ZNF79: variants seen among roughly 807,000 people sequenced by gnomAD.
The protein encoded by ZNF79 is ZNFpT7.
In ZNF79, 13 loss-of-function variants were observed where a neutral mutation model predicts 14.9. That is an observed-to-expected ratio of 0.87 (90% confidence interval 0.57 to 1.38). The LOEUF (loss-of-function observed/expected upper bound fraction) is 1.38, where lower values mean the gene tolerates loss of function less well. ZNF79 is among the 40% of genes most tolerant of loss of function. The probability of loss-of-function intolerance (pLI) is 0.00; values close to 1 mark genes in which losing one functional copy is unlikely to be tolerated. For synonymous variants in ZNF79, 223 were observed against 235.1 expected (o/e 0.95, Z 0.47); for missense variants, 631 against 630.6 (o/e 1.00, Z -0.01).
At chr9:127,433,516 TTC>T (rs1165844956) in intron 2 of ZNF79, among the ~76,000 whole-genome samples, 1 of 152,198 alleles carries the variant, frequency 6.6e-6, no homozygotes, top group Non-Finnish European at 1.5e-5. Flanking sequence ...TTTCTTCCCT[TTC>T]CATCTGGCTA....
At chr9:127,434,555 T>C (rs534280392) in intron 2 of ZNF79, among the ~76,000 whole-genome samples, 37 of 152,334 alleles carry the variant, frequency 2.4e-4, no homozygotes, top group Admixed American at 1.9e-3. Flanking sequence ...AGTCTATTTA[T>C]ACATAAATGT....
At chr9:127,440,076 A>G (rs1184028373) in intron 4 of ZNF79, among the ~76,000 whole-genome samples, 1 of 152,122 alleles carries the variant, frequency 6.6e-6, no homozygotes, top group Non-Finnish European at 1.5e-5. Flanking sequence ...GTTAGCCAGG[A>G]TGGTCTCGAT....
Position 127,444,050 on chromosome 9 carries a change from C to G in ZNF79, c.350C>G (p.Ser117Ter). The G allele has an allele frequency of 1.3e-6, 2 of 1,591,118 alleles. No individual in the cohort carries two copies. Among genetic ancestry groups the G allele is most frequent in the Non-Finnish European group, 1.7e-6 (2 of 1,167,922 alleles). ...PSPGWKIISGSPPEQALSEAS... is the reference protein window; with the variant it reads ...PSPGWKIISG ...TCAGGCTGGAAGATTATATCTGGAT[C>G]ACCACCAGAGCAAGCCCTTTCTGAA... is the stretch of plus-strand genomic sequence containing the variant. The change falls in exon 5 of 5, where the codon TCA becomes TGA. Residue 117 changes from serine to a stop codon, truncating the protein, a stop_gained. Transcript: ENST00000342483. LOFTEE classifies it low-confidence loss of function (END_TRUNC).
intron 4 of ZNF79, 102 bp downstream of exon 4, chr9:127,436,105 C>T (rs1833944062): frequency 1.1e-6 from 1 of 928,796 alleles, no homozygotes; most frequent in Non-Finnish European, 1.7e-6. Context: ...GAGGTAGGCG[C>T]TATTACCCCC....
chr9:127,424,537 C>G lies in ZNF79; in HGVS notation c.-251C>G. Reference sequence around the variant, plus strand: ...CTGGCAGCGGCTTTTTCACCGGGTTCTGCTTGAGGCCGAGCCAAAGAGTGG... The same window carrying G: ...CTGGCAGCGGCTTTTTCACCGGGTTGTGCTTGAGGCCGAGCCAAAGAGTGG... On this transcript the variant is annotated 5_prime_UTR_variant, in exon 1 of 5. Transcript: ENST00000342483. The G allele has an allele frequency of 4.5e-6, 2 of 442,204 alleles. No homozygotes were observed. Among genetic ancestry groups the G allele is most frequent in the Non-Finnish European group, 8.2e-6 (2 of 245,006 alleles). The allele number at this position is 442,204 out of a possible 1,614,324, so 27.4% of individuals were successfully genotyped here.
At chr9:127,430,503 A>G (rs1368936441) in intron 2 of ZNF79, among the ~76,000 whole-genome samples, 1 of 152,168 alleles carries the variant, frequency 6.6e-6, no homozygotes, top group Non-Finnish European at 1.5e-5. Context: ...TTCCCCACTT[A>G]TCAATAAGAA....
intron 2 of ZNF79, among the ~76,000 whole-genome samples, chr9:127,431,200 TTA>T (rs1037715948): frequency 2.6e-5 from 4 of 152,080 alleles, no homozygotes; most frequent in Admixed American, 2.6e-4. Context: ...AAACTTTTGA[TTA>T]TCTTTTCCTA....
chr9:127,437,735 C>G (rs1289750610), intron 4 of ZNF79, among the ~76,000 whole-genome samples: 2 of 151,878 alleles, frequency 1.3e-5, no homozygotes, highest in African/African-American at 4.8e-5. Flanking sequence ...TTAGCTGCAT[C>G]ACGCCAATCT....
In ZNF79 at chr9:127,424,778, C is replaced by A; in HGVS notation, c.-10C>A. 1 of 1,613,606 alleles carries A rather than the reference C, an allele frequency of 6.2e-7. No individual in the cohort carries two copies. Among genetic ancestry groups the A allele is most frequent in the South Asian group, 1.1e-5 (1 of 91,036 alleles). On this transcript the variant is annotated 5_prime_UTR_variant, in exon 1 of 5. Transcript: ENST00000342483. ...ACTGCTGGGAGGCTGTGGCGCGAGG[C>A]GGGACTCAAATGCTGGAGGAAGGAG...
chr9:127,424,917 G>A (rs1833723744), intron 1 of ZNF79, 114 bp downstream of exon 1: 2 of 1,554,462 alleles, frequency 1.3e-6, no homozygotes, highest in Non-Finnish European at 1.7e-6. Flanking sequence ...ACAGGTAGTT[G>A]GAGACAATCA....
At chr9:127,427,015 G>A (rs898629653) in intron 1 of ZNF79, among the ~76,000 whole-genome samples, 1 of 152,038 alleles carries the variant, frequency 6.6e-6, no homozygotes, top group African/African-American at 2.4e-5. Context: ...TCTCATTGTG[G>A]TTTTCATTTG....
intron 4 of ZNF79, among the ~76,000 whole-genome samples, chr9:127,439,449 CAG>C (rs1483187986): frequency 6.6e-6 from 1 of 152,176 alleles, no homozygotes; most frequent in Non-Finnish European, 1.5e-5. Flanking sequence ...CAGAAGTCGT[CAG>C]GGGCAAGTTT....
intron 4 of ZNF79, among the ~76,000 whole-genome samples, chr9:127,441,178 C>G (rs748287987): frequency 7.2e-5 from 11 of 151,990 alleles, no homozygotes; most frequent in Admixed American, 2.6e-4. Context: ...ACGCTCTCAG[C>G]CTGCAGTGGG....
chr9:127,443,668 G>A (rs866706600), intron 4 of ZNF79, among the ~76,000 whole-genome samples: 3 of 152,100 alleles, frequency 2.0e-5, no homozygotes, highest in African/African-American at 7.2e-5. Context: ...TTGGGAGGCC[G>A]AGGCGGGTGG....
chr9:127,441,393 C>T (rs992904309), intron 4 of ZNF79, among the ~76,000 whole-genome samples: 1 of 152,230 alleles, frequency 6.6e-6, no homozygotes, highest in African/African-American at 2.4e-5. Context: ...TGTGAGGGAG[C>T]TGCTTTCACA....
intron 2 of ZNF79, among the ~76,000 whole-genome samples, chr9:127,434,742 G>T (rs193257784): frequency 6.6e-6 from 1 of 152,104 alleles, no homozygotes; most frequent in Non-Finnish European, 1.5e-5. Flanking sequence ...TCTGCCTCCC[G>T]GGTTCAAGCA....
In ZNF79 at chr9:127,428,898, G is replaced by C. The variant is rs1356695667; in HGVS notation, c.83G>C (p.Gly28Ala). The change falls in exon 2 of 5, where the codon GGT (glycine) becomes GCT (alanine). Residue 28 changes from glycine to alanine, a missense_variant. By Grantham distance (60) the Gly-to-Ala change is moderately conservative. Transcript: ENST00000342483. ...ENTGEEGMAA[G>A]LLTAGPRGST... ...ACAGGAGAGGAAGGAATGGCTGCTG[G>C]TCTCCTCACAGCTGGGCCCCGGGTA... The C allele has an allele frequency of 6.2e-7, 1 of 1,603,508 alleles. No individual in the cohort carries two copies. Among genetic ancestry groups the C allele is most frequent in the African/African-American group, 1.3e-5 (1 of 74,476 alleles).
chr9:127,434,727 C>T (rs1477212723), intron 2 of ZNF79, among the ~76,000 whole-genome samples: 1 of 152,188 alleles, frequency 6.6e-6, no homozygotes, highest in African/African-American at 2.4e-5. Context: ...CGGCTCACTG[C>T]AACCTCTGCC....
intron 1 of ZNF79, among the ~76,000 whole-genome samples, chr9:127,427,036 A>G (rs1024744902): frequency 1.3e-5 from 2 of 152,030 alleles, no homozygotes; most frequent in African/African-American, 2.4e-5. Context: ...CTTTTCCCCA[A>G]TGACTAATGA....
Sources: allele counts gnomAD v4.1 joint callset (sites outside exome capture counted in the v4.1 genomes callset), GRCh38; gene constraint gnomAD v4.1.1; transcripts MANE v1.5; gene names NCBI Gene and HGNC (gene_info 2026-07-23, HGNC 2026-07-21).